The following RAB7B variants were observed in gnomAD, a reference collection of about 807,000 sequenced individuals.
RAB7B encodes RAB7B, member RAS oncogene family, also known as ras-related protein Rab-7b.
intron 1 of RAB7B, among the ~76,000 whole-genome samples, chr1:206,002,118 TA>T (rs1660902333): frequency 6.6e-6 from 1 of 152,086 alleles, no homozygotes; most frequent in African/African-American, 2.4e-5. Context: ...ATATCCACCC[TA>T]AAAAATAATG....
chr1:205,978,454 C>T lies in RAB7B; in HGVS notation c.*397G>A, dbSNP rs974247884. ...GTGGCTGAGGGGTGTGAGGTGGGAG[C>T]GGGTGAGGAAGGTCTGTCCACAGGA... On this transcript the variant is annotated 3_prime_UTR_variant, in exon 6 of 6. Coordinates refer to ENST00000617070, the MANE Select transcript of RAB7B (RefSeq NM_001164522.3). 111 of 159,196 alleles carry T rather than the reference C, an allele frequency of 7.0e-4. No individual in the cohort carries two copies. The highest frequency in any genetic ancestry group is 2.8e-3 in the Admixed American group (43 of 15,438). 9.9% of individuals were successfully genotyped at this position (159,196 alleles called of 1,614,324 possible).
At chr1:205,984,893 C>T (rs1660562161) in intron 5 of RAB7B, among the ~76,000 whole-genome samples, 2 of 152,108 alleles carry the variant, frequency 1.3e-5, no homozygotes, top group Non-Finnish European at 2.9e-5. Context: ...TCCTCCCTGC[C>T]TCCTCCCAGC....
chr1:205,998,171 T>C (rs1037600136), intron 1 of RAB7B, among the ~76,000 whole-genome samples: 8 of 152,120 alleles, frequency 5.3e-5, no homozygotes, highest in Admixed American at 2.0e-4. Context: ...CTGGTCAACA[T>C]GGTGAAACCC....
chr1:205,987,860 C>T (rs1024650198), intron 4 of RAB7B, among the ~76,000 whole-genome samples: 12 of 151,680 alleles, frequency 7.9e-5, no homozygotes, highest in Non-Finnish European at 1.8e-4. Flanking sequence ...GTAAATATAC[C>T]TAATAAAATT....
intron 5 of RAB7B, 73 bp from the exon 6 acceptor site, chr1:205,979,001 T>A (rs1004789531): frequency 7.5e-6 from 3 of 397,516 alleles, no homozygotes; most frequent in Non-Finnish European, 1.3e-5. Flanking sequence ...CATTTCTTAG[T>A]GGGCCTCAGA....
chr1:206,000,020 C>T (rs1268087548), intron 1 of RAB7B, among the ~76,000 whole-genome samples: 1 of 152,198 alleles, frequency 6.6e-6, no homozygotes, highest in Admixed American at 6.5e-5. Context: ...GTGATCCTCC[C>T]ACCTAGGCCT....
rs1421491157 is a variant in RAB7B, at chr1:205,978,376, T to G, written c.*475A>C. 1.3e-5 allele frequency: 2 copies of G among 152,458 alleles called. No individual in the cohort carries two copies. Among genetic ancestry groups the G allele is most frequent in the African/African-American group, 4.8e-5 (2 of 41,404 alleles). 9.4% of individuals were successfully genotyped at this position (152,458 alleles called of 1,614,324 possible). On this transcript the variant is annotated 3_prime_UTR_variant, in exon 6 of 6. Transcript: ENST00000617070. ...CATGTGGGGTCCAGACCTTTACTCC[T>G]TAGTCTGCTCGTTGAAGGAGGCTGA... is the stretch of plus-strand genomic sequence containing the variant.
At chr1:205,989,648 C>G (rs1398623621) in intron 4 of RAB7B, among the ~76,000 whole-genome samples, 1 of 152,078 alleles carries the variant, frequency 6.6e-6, no homozygotes, top group African/African-American at 2.4e-5. Context: ...CTCCTGCTGC[C>G]CTGTTCCCCA....
rs1660428994 is a variant in RAB7B, at chr1:205,978,597, G to A, written c.*254C>T. The A allele has an allele frequency of 5.9e-6, 2 of 341,454 alleles. No individual in the cohort carries two copies. The highest frequency in any genetic ancestry group is 1.1e-5 in the Non-Finnish European group (2 of 189,908). 21.2% of individuals were successfully genotyped at this position (341,454 alleles called of 1,614,324 possible). A position where few individuals can be genotyped will look rare whatever the true frequency, so the allele number is the denominator to read the frequency against. On this transcript the variant is annotated 3_prime_UTR_variant, in exon 6 of 6. Coordinates refer to ENST00000617070, the MANE Select transcript of RAB7B (RefSeq NM_001164522.3). Reference sequence around the variant, plus strand: ...AGCCACTGCGGAAACGGTGACTTCTGCAGGACCAGGGTTTGGCTCTGACAT... The same window carrying A: ...AGCCACTGCGGAAACGGTGACTTCTACAGGACCAGGGTTTGGCTCTGACAT...
chr1:205,987,711 G>C (rs1302572814), intron 4 of RAB7B, among the ~76,000 whole-genome samples: 1 of 152,124 alleles, frequency 6.6e-6, no homozygotes, highest in African/African-American at 2.4e-5. Context: ...TTGTAGCATA[G>C]ATGCCAGCAA....
At chr1:206,000,101 T>C (rs1660868910) in intron 1 of RAB7B, among the ~76,000 whole-genome samples, 1 of 152,070 alleles carries the variant, frequency 6.6e-6, no homozygotes, top group African/African-American at 2.4e-5. Flanking sequence ...GATGAAATAA[T>C]GAAGTGGGAA....
chr1:205,999,133 G>A (rs1660852993), intron 1 of RAB7B, among the ~76,000 whole-genome samples: 1 of 152,196 alleles, frequency 6.6e-6, no homozygotes, highest in Non-Finnish European at 1.5e-5. Context: ...CCCTGTTAGA[G>A]AGCTCAGGGG....
chr1:205,992,768 G>A (rs1311047682), intron 3 of RAB7B, 73 bp from the exon 4 acceptor site: 2 of 398,256 alleles, frequency 5.0e-6, no homozygotes, highest in East Asian at 3.6e-5. Context: ...ATTACATCAT[G>A]TCAAGGCTTC....
intron 1 of RAB7B, among the ~76,000 whole-genome samples, chr1:206,001,672 G>A (rs1195310134): frequency 4.6e-5 from 7 of 152,132 alleles, no homozygotes; most frequent in African/African-American, 1.4e-4. Context: ...CAGAACTTGC[G>A]GTGACTGACT....
chr1:205,984,307 C>T (rs1279434493), intron 5 of RAB7B: 2 of 152,298 alleles, frequency 1.3e-5, no homozygotes, highest in East Asian at 1.9e-4. Flanking sequence ...CCTGAGCAGC[C>T]GCTAGAGGTA....
At chr1:205,992,079 A>T in intron 4 of RAB7B, among the ~76,000 whole-genome samples, 1 of 152,172 alleles carries the variant, frequency 6.6e-6, no homozygotes, top group South Asian at 2.1e-4. Flanking sequence ...TTCCACTGTG[A>T]CCTCCCTCCT....
At chr1:205,998,447 G>A (rs897708226) in intron 1 of RAB7B, among the ~76,000 whole-genome samples, 1 of 152,216 alleles carries the variant, frequency 6.6e-6, no homozygotes, top group Non-Finnish European at 1.5e-5. Context: ...GAATCTGTGT[G>A]CACAGGAATC....
intron 4 of RAB7B, among the ~76,000 whole-genome samples, chr1:205,986,835 C>T (rs1230421354): frequency 2.0e-5 from 3 of 152,010 alleles, no homozygotes; most frequent in Admixed American, 6.5e-5. Context: ...AGGACCATTC[C>T]ACCCCTCTCC....
intron 4 of RAB7B, among the ~76,000 whole-genome samples, chr1:205,988,733 C>T (rs1276438086): frequency 2.6e-5 from 4 of 152,142 alleles, no homozygotes; most frequent in Admixed American, 6.5e-5. Flanking sequence ...AGGAGGGAAC[C>T]GGTCCAGGCT....
Sources: gnomAD v4.1 joint callset for allele counts (sites outside exome capture counted in the v4.1 genomes callset) on GRCh38, gnomAD v4.1.1 for gene constraint, MANE v1.5 for transcripts, NCBI Gene and HGNC (gene_info 2026-07-23, HGNC 2026-07-21) for gene names.